SORCS2: variants seen among roughly 807,000 people sequenced by gnomAD.
SORCS2 encodes sortilin related VPS10 domain containing receptor 2.
Under a neutral mutation model 141.6 loss-of-function variants are expected in SORCS2, and 100 were observed. That is an observed-to-expected ratio of 0.71 (90% CI 0.60 to 0.83). The LOEUF is 0.83. Among genes scored for constraint, SORCS2 ranks in the 40% least tolerant of loss-of-function variants. The pLI is 0.00. For synonymous variants in SORCS2, 789 were observed against 676.9 expected, an observed-to-expected ratio of 1.17 and a Z score of -2.57; for missense variants, 1,646 against 1,560.2, an observed-to-expected ratio of 1.05 and a Z score of -0.93.
chr4:7,664,421 C>T lies in SORCS2; in HGVS notation c.1021C>T (p.Pro341Ser), dbSNP rs752177753. ...GATGCTGACAGCCCCATTCGCAGGCCCCATTGACCACGGGTCTCTGACCGT... is the reference window on the plus strand; with the variant it reads ...GATGCTGACAGCCCCATTCGCAGGCTCCATTGACCACGGGTCTCTGACCGT... ...EKMLTAPFAG[P>S]IDHGSLTVQD... Residue 341 changes from proline to serine, a missense_variant, in exon 7 of 27, where the codon CCC becomes TCC. Transcript: ENST00000507866. This position sits in a 1 kb window ranked among gnomAD's most constrained non-coding sequence, Gnocchi z 4.7. The T allele has an allele frequency of 6.2e-6, 10 of 1,613,796 alleles. No individual in the cohort carries two copies. The East Asian group carries it at 2.0e-4, about 32-fold the overall frequency.
At chr4:7,392,397 G>A (rs1035578370) in intron 1 of SORCS2, among the ~76,000 whole-genome samples, 2 of 152,162 alleles carry the variant, frequency 1.3e-5, no homozygotes, top group Admixed American at 6.5e-5. Flanking sequence ...TGAAGGACAG[G>A]TTCTCCCTCC....
intron 8 of SORCS2, among the ~76,000 whole-genome samples, chr4:7,669,464 C>A (rs1722676392): frequency 6.6e-6 from 1 of 152,154 alleles, no homozygotes; most frequent in Non-Finnish European, 1.5e-5. Context: ...TTTGCCCAGC[C>A]AGCCAGCTAG....
intron 1 of SORCS2, among the ~76,000 whole-genome samples, chr4:7,195,183 TGTGTG>T (rs1727099101): frequency 7.0e-6 from 1 of 142,892 alleles, no homozygotes; most frequent in South Asian, 2.5e-4. Flanking sequence ...TGTGTGTGTG[TGTGTG>T]TGTGTGTGTT....
intron 1 of SORCS2, among the ~76,000 whole-genome samples, chr4:7,297,292 C>A (rs1045906898): frequency 6.6e-6 from 1 of 152,170 alleles, no homozygotes; most frequent in Non-Finnish European, 1.5e-5. Context: ...GAATGAGCCC[C>A]CAGAGTCGGT....
intron 3 of SORCS2, among the ~76,000 whole-genome samples, chr4:7,613,297 C>T (rs984119618): frequency 1.3e-5 from 2 of 152,348 alleles, no homozygotes; most frequent in Admixed American, 1.3e-4. Context: ...GCCCAATAAA[C>T]TAACGAATGA....
At chr4:7,670,776 T>C (rs897109502) in intron 8 of SORCS2, among the ~76,000 whole-genome samples, 5 of 150,424 alleles carry the variant, frequency 3.3e-5, no homozygotes, top group Admixed American at 1.3e-4. Flanking sequence ...AATGTGCGTG[T>C]GTCCCTAGAG....
At chr4:7,501,866 G>A (rs1731995911) in intron 2 of SORCS2, among the ~76,000 whole-genome samples, 2 of 152,210 alleles carry the variant, frequency 1.3e-5, no homozygotes, top group African/African-American at 4.8e-5. Flanking sequence ...TAATTACATT[G>A]GAAGAACAGT....
intron 1 of SORCS2, among the ~76,000 whole-genome samples, chr4:7,272,588 GC>G (rs1715216166): frequency 6.6e-6 from 1 of 152,232 alleles, no homozygotes; most frequent in African/African-American, 2.4e-5. Flanking sequence ...GCCCATGCAG[GC>G]TTCCTCAGAG....
At chr4:7,611,846 G>A (rs1312014789) in intron 3 of SORCS2, among the ~76,000 whole-genome samples, 1 of 152,270 alleles carries the variant, frequency 6.6e-6, no homozygotes, top group Admixed American at 6.5e-5. Flanking sequence ...TGTTAGGACA[G>A]AGGCCATAGG....
intron 1 of SORCS2, among the ~76,000 whole-genome samples, chr4:7,197,251 T>G (rs972684465): frequency 6.6e-6 from 1 of 152,214 alleles, no homozygotes; most frequent in African/African-American, 2.4e-5. Context: ...CCACCTCATT[T>G]TAACTTAGTT....
intron 1 of SORCS2, among the ~76,000 whole-genome samples, chr4:7,325,747 C>T (rs1219954154): frequency 6.6e-6 from 1 of 152,200 alleles, no homozygotes; most frequent in Admixed American, 6.5e-5. Context: ...TTCCCTGCAG[C>T]CTGAGCTCTG....
At chr4:7,440,869 G>A (rs1237254598) in intron 2 of SORCS2, among the ~76,000 whole-genome samples, 2 of 152,206 alleles carry the variant, frequency 1.3e-5, no homozygotes. Context: ...TGCGGGGTGA[G>A]GGCTGCTGGG....
intron 1 of SORCS2, among the ~76,000 whole-genome samples, chr4:7,372,844 G>A (rs760181292): frequency 6.6e-6 from 1 of 152,066 alleles, no homozygotes; most frequent in African/African-American, 2.4e-5. Flanking sequence ...GGGCCTGGCT[G>A]CTTTCACTCC....
intron 3 of SORCS2, among the ~76,000 whole-genome samples, chr4:7,545,371 T>C (rs568748802): frequency 9.2e-5 from 14 of 152,254 alleles, no homozygotes; most frequent in African/African-American, 3.4e-4. Flanking sequence ...CTTCCTCAAG[T>C]GCTCTGGGGA....
intron 3 of SORCS2, among the ~76,000 whole-genome samples, chr4:7,589,453 T>G (rs7689082): frequency 6.6e-6 from 1 of 152,058 alleles, no homozygotes; most frequent in Non-Finnish European, 1.5e-5. Flanking sequence ...CCCAGGTTGG[T>G]GTGCAGTGGC....
At chr4:7,728,112 G>T (rs577609652) in intron 21 of SORCS2, among the ~76,000 whole-genome samples, 27 of 152,338 alleles carry the variant, frequency 1.8e-4, no homozygotes, top group African/African-American at 6.0e-4. Context: ...AGTGACATGG[G>T]TCCTGCCTGG....
At chr4:7,292,685 C>T (rs1156842708) in intron 1 of SORCS2, among the ~76,000 whole-genome samples, 2 of 152,306 alleles carry the variant, frequency 1.3e-5, no homozygotes, top group East Asian at 3.9e-4. Context: ...ATCTGTCTGC[C>T]TGTGTCCAGC....
intron 2 of SORCS2, among the ~76,000 whole-genome samples, chr4:7,435,863 G>A (rs1034844676): frequency 1.3e-5 from 2 of 152,236 alleles, no homozygotes; most frequent in Admixed American, 1.3e-4. Context: ...CAGCCATGGA[G>A]TGGGCAGGCC....
chr4:7,522,541 C>T (rs180961687), intron 2 of SORCS2, among the ~76,000 whole-genome samples: 3 of 152,270 alleles, frequency 2.0e-5, no homozygotes, highest in South Asian at 2.1e-4. Flanking sequence ...AGGTCACCTG[C>T]GGGACGGCAC....
Sources: allele counts gnomAD v4.1 joint callset (sites outside exome capture counted in the v4.1 genomes callset), GRCh38; gene constraint gnomAD v4.1.1; non-coding constraint Gnocchi (gnomAD v3.1); transcripts MANE v1.5; gene names NCBI Gene and HGNC (gene_info 2026-07-23, HGNC 2026-07-21).